IST1: variants seen among roughly 807,000 people sequenced by gnomAD.
The protein encoded by IST1 is IST1 homolog.
Under a neutral mutation model 37.0 loss-of-function variants are expected in IST1, and 23 were observed. That is an observed-to-expected ratio of 0.62 (90% CI 0.45 to 0.88). The LOEUF is 0.88. IST1 is among the 40% of genes least tolerant of loss of function. The pLI is 0.00. For synonymous variants in IST1, 180 were observed against 161.7 expected, an observed-to-expected ratio of 1.11 and a Z score of -0.86; for missense variants, 488 against 445.4, an observed-to-expected ratio of 1.10 and a Z score of -0.86.
chr16:71,912,182 T>A (rs1169783138), intron 1 of IST1, among the ~76,000 whole-genome samples: 1 of 152,156 alleles, frequency 6.6e-6, no homozygotes, highest in Non-Finnish European at 1.5e-5. Context: ...TTTAGGTAAT[T>A]TTTCCATACA....
At position 71,928,631 on chromosome 16, in the gene IST1, A is replaced by C. The variant is rs2037810786; in HGVS notation, c.*818A>C. 1 of 152,642 alleles carries C rather than the reference A, an allele frequency of 6.6e-6. No individual in the cohort carries two copies. Among genetic ancestry groups the C allele is most frequent in the Non-Finnish European group, 1.5e-5 (1 of 68,034 alleles). 9.5% of individuals were successfully genotyped at this position (152,642 alleles called of 1,614,324 possible). A position where few individuals can be genotyped will look rare whatever the true frequency, so the allele number is the denominator to read the frequency against. The stretch of plus-strand genomic sequence containing the variant: ...CCTAGGGTGGGCTTCCAGCTGCCTT[A>C]ATAGAAGTACTCAAGTCTTTTGGGT... On this transcript the variant is annotated 3_prime_UTR_variant, in exon 10 of 10. Transcript: ENST00000378799.
chr16:71,924,947 A>C (rs2037703167), intron 9 of IST1, 130 bp downstream of exon 9: 1 of 643,462 alleles, frequency 1.6e-6, no homozygotes, highest in Non-Finnish European at 2.8e-6. Context: ...TTCTCTTCCC[A>C]AATGCTAAAA....
intron 9 of IST1, among the ~76,000 whole-genome samples, chr16:71,926,445 G>A (rs1366745699): frequency 6.6e-6 from 1 of 151,460 alleles, no homozygotes; most frequent in Non-Finnish European, 1.5e-5. Context: ...CCGGGTTCAC[G>A]CCATTCTCCT....
At chr16:71,920,889 A>G (rs760443913) in intron 5 of IST1, 67 bp downstream of exon 5, 15 of 1,089,228 alleles carry the variant, frequency 1.4e-5, no homozygotes, top group South Asian at 1.2e-4. Flanking sequence ...GCTTGTGGCA[A>G]TTCTAGTGGG....
chr16:71,926,358 T>A (rs1221021473), intron 9 of IST1, among the ~76,000 whole-genome samples: 1 of 151,840 alleles, frequency 6.6e-6, no homozygotes, highest in Admixed American at 6.6e-5. Flanking sequence ...TAGTTTTTTT[T>A]TTTTTTAGGC....
At position 71,931,113 on chromosome 16, in the gene IST1, A is replaced by G. The variant is rs557677689; in HGVS notation, c.*3300A>G. On this transcript the variant is annotated 3_prime_UTR_variant, in exon 10 of 10. Transcript: ENST00000378799. ...CTCTATTTGTTTTTTAATGTTTTTT[A>G]CTTTATGTTTACTGTATTTTTATGT... 1 of 152,168 alleles carries G rather than the reference A, an allele frequency of 6.6e-6. No individual in the cohort carries two copies. Among genetic ancestry groups the G allele is most frequent in the East Asian group, 1.9e-4 (1 of 5,178 alleles). 9.4% of individuals were successfully genotyped at this position (152,168 alleles called of 1,614,324 possible).
At chr16:71,920,870 T>G in intron 5 of IST1, 48 bp downstream of exon 5, 1 of 1,308,232 alleles carries the variant, frequency 7.6e-7, no homozygotes, top group South Asian at 1.2e-5. Flanking sequence ...GGGAGCAGTT[T>G]ATTGTACTGC....
rs1402077635 is a variant in IST1, at chr16:71,897,608, A to G, written c.-16+2019A>G. Reference sequence around the variant, plus strand: ...GAACACTTATTTCAGCATTACTTATATGGTACAGATGGTCAAAAGTTTGGA... The same window carrying G: ...GAACACTTATTTCAGCATTACTTATGTGGTACAGATGGTCAAAAGTTTGGA... On this transcript the variant is annotated intron_variant, in intron 1 of 9. Coordinates refer to ENST00000378799, the MANE Select transcript of IST1 (RefSeq NM_001270975.2). Among the ~76,000 whole-genome samples, 4 of 152,240 alleles carry G rather than the reference A, an allele frequency of 2.6e-5. No individual in the cohort carries two copies. The South Asian group carries it at 6.2e-4, about 24-fold the overall frequency.
rs550809762 is a variant in IST1 at position 71,911,710 on chromosome 16, ATTTTTTTTTT to A, written c.-15-3901_-15-3892del. Among the ~76,000 whole-genome samples, 36 of 90,888 alleles carry A rather than the reference ATTTTTTTTTT, an allele frequency of 4.0e-4. No homozygotes were observed. In the East Asian group the frequency reaches 0.011, roughly 29 times the overall value. The allele number at this position is 90,888 out of a possible 152,430, so 59.6% of individuals were successfully genotyped here. On this transcript the variant is annotated intron_variant, in intron 1 of 9. Coordinates refer to ENST00000378799, the MANE Select transcript of IST1 (RefSeq NM_001270975.2). Reference sequence around the variant, plus strand: ...CTTCAGGATAGACATTTAAACTTCGATTTTTTTTTTTTTTTTTTTTTTTTGAGACAGGGTT... The same window carrying A: ...CTTCAGGATAGACATTTAAACTTCGATTTTTTTTTTTTTTGAGACAGGGTT...
chr16:71,900,972 TTTAGA>T (rs540053483), intron 1 of IST1, among the ~76,000 whole-genome samples: 10 of 152,184 alleles, frequency 6.6e-5, no homozygotes, highest in Non-Finnish European at 1.5e-4. Context: ...CAAAAAGAAT[TTTAGA>T]TTACTTACTG....
chr16:71,900,508 G>A (rs779635862), intron 1 of IST1, among the ~76,000 whole-genome samples: 44 of 151,880 alleles, frequency 2.9e-4, no homozygotes, highest in Admixed American at 2.9e-3. Context: ...TTCAGGATGG[G>A]GAGGCTAACT....
upstream of IST1, chr16:71,894,425 T>A (rs2036924742): frequency 6.3e-6 from 1 of 158,922 alleles, no homozygotes; most frequent in Admixed American, 6.5e-5. Flanking sequence ...ATTTCCTCTT[T>A]AGTAGAGACG....
chr16:71,898,797 C>T (rs996966703), intron 1 of IST1, among the ~76,000 whole-genome samples: 5 of 151,574 alleles, frequency 3.3e-5, no homozygotes, highest in Non-Finnish European at 7.4e-5. Flanking sequence ...GTCAACATGG[C>T]GAAACCTCGT....
At chr16:71,923,906 T>G (rs527846982) in intron 8 of IST1, among the ~76,000 whole-genome samples, 7 of 152,172 alleles carry the variant, frequency 4.6e-5, no homozygotes, top group Non-Finnish European at 7.3e-5. Context: ...TGTAGGTGGT[T>G]CAGGTTACTT....
intron 6 of IST1, among the ~76,000 whole-genome samples, chr16:71,921,934 G>A (rs1482312954): frequency 1.3e-5 from 2 of 152,176 alleles, no homozygotes; most frequent in Non-Finnish European, 1.5e-5. Context: ...TCAGGAGATC[G>A]AGACCATCCT....
intron 1 of IST1, among the ~76,000 whole-genome samples, chr16:71,907,192 T>C (rs974382960): frequency 2.0e-5 from 3 of 151,966 alleles, no homozygotes; most frequent in African/African-American, 7.2e-5. Flanking sequence ...TCTTTCTTTT[T>C]TTTTTTTTTA....
rs111784254 is a variant in IST1 at position 71,907,733 on chromosome 16, T to A, written c.-15-7893T>A. Among the ~76,000 whole-genome samples the A allele has an allele frequency of 6.7e-3, 1,028 of 152,342 alleles. 17 individuals carry two copies. The highest frequency in any genetic ancestry group is 0.022 in the African/African-American group (914 of 41,576). Reference sequence around the variant, plus strand: ...TTGACTTACCTACAAGTGTCCTGGCTCTTTTCTCTGTCATTTCCCATTCTG... The same window carrying A: ...TTGACTTACCTACAAGTGTCCTGGCACTTTTCTCTGTCATTTCCCATTCTG... On this transcript the variant is annotated intron_variant, in intron 1 of 9. Coordinates refer to ENST00000378799, the MANE Select transcript of IST1 (RefSeq NM_001270975.2).
chr16:71,896,270 C>T (rs1597226074), intron 1 of IST1, among the ~76,000 whole-genome samples: 1 of 152,086 alleles, frequency 6.6e-6, no homozygotes, highest in South Asian at 2.1e-4. Context: ...CCTCTTGGAA[C>T]TCAACAGCAT....
intron 1 of IST1, among the ~76,000 whole-genome samples, chr16:71,900,795 T>G (rs1425087244): frequency 6.6e-6 from 1 of 152,176 alleles, no homozygotes; most frequent in African/African-American, 2.4e-5. Flanking sequence ...CTATACCCAT[T>G]TGATTGTGAG....
Sources: gnomAD v4.1 joint callset for allele counts (sites outside exome capture counted in the v4.1 genomes callset) on GRCh38, gnomAD v4.1.1 for gene constraint, MANE v1.5 for transcripts, NCBI Gene and HGNC (gene_info 2026-07-23, HGNC 2026-07-21) for gene names.